Variants in OPCML observed in about 807,000 individuals in gnomAD.
The protein encoded by OPCML is opioid binding protein/cell adhesion molecule like, also known as opioid-binding protein/cell adhesion molecule.
Under a neutral mutation model 37.8 loss-of-function variants are expected in OPCML, and 13 were observed. The ratio of observed to expected loss-of-function variants is 0.34; its 90% confidence interval spans 0.22 to 0.55. The LOEUF (loss-of-function observed/expected upper bound fraction) is 0.55. Among genes scored for constraint, OPCML ranks in the 20% least tolerant of loss-of-function variants. The pLI, the probability that OPCML is intolerant of heterozygous loss-of-function variation, is 0.91. For synonymous variants in OPCML, 176 were observed against 168.8 expected, an observed-to-expected ratio of 1.04 and a Z score of -0.33; for missense variants, 341 against 435.6, an observed-to-expected ratio of 0.78 and a Z score of 1.93.
Position 133,458,712 on chromosome 11 carries a change from C to CGT in OPCML, c.61+73550_61+73551dup, listed in dbSNP as rs755320624. ...GTGTGTATATATACACATAGATGCA[C>CGT]GTGTGTGTATATATACACATAGATG... is the stretch of plus-strand genomic sequence containing the variant. On this transcript the variant is annotated intron_variant, in intron 1 of 7. Coordinates refer to ENST00000524381, the MANE Select transcript of OPCML (RefSeq NM_001012393.5). Among the ~76,000 whole-genome samples the CGT allele has an allele frequency of 2.6e-4, 27 of 105,240 alleles. 2 individuals carry two copies. The highest frequency in any genetic ancestry group is 7.9e-4 in the East Asian group (3 of 3,784). 69.0% of individuals were successfully genotyped at this position (105,240 alleles called of 152,430 possible).
chr11:133,289,394 G>C (rs1942398849), intron 1 of OPCML, among the ~76,000 whole-genome samples: 1 of 150,610 alleles, frequency 6.6e-6, no homozygotes, highest in Non-Finnish European at 1.5e-5. Context: ...AGGAGATCGA[G>C]ACCATCCCGG....
rs537059642 is a variant in OPCML, at chr11:132,491,715, G to A, written c.505+37346C>T. On this transcript the variant is annotated intron_variant, in intron 4 of 7. Transcript: ENST00000524381. Reference sequence around the variant, plus strand: ...GAGCGAGGCACTGTTCTAGGGGTGGGGTCTACACCAATGGCCAAGATACAC... The same window carrying A: ...GAGCGAGGCACTGTTCTAGGGGTGGAGTCTACACCAATGGCCAAGATACAC... Among the ~76,000 whole-genome samples, 14 of 152,232 alleles carry A rather than the reference G, an allele frequency of 9.2e-5. 1 individual carries two copies. The South Asian group carries it at 2.9e-3, about 32-fold the overall frequency.
chr11:132,562,516 T>C (rs1591554021), intron 3 of OPCML, among the ~76,000 whole-genome samples: 1 of 152,250 alleles, frequency 6.6e-6, no homozygotes, highest in South Asian at 2.1e-4. Context: ...TGGGTTAGAA[T>C]TATAAAGCAG....
At chr11:132,748,636 G>C (rs1227588917) in intron 2 of OPCML, among the ~76,000 whole-genome samples, 2 of 152,194 alleles carry the variant, frequency 1.3e-5, no homozygotes, top group Non-Finnish European at 2.9e-5. Context: ...GTGCGAGGGA[G>C]GGGCCTGCAG....
intron 1 of OPCML, among the ~76,000 whole-genome samples, chr11:133,126,165 G>A (rs1202958607): frequency 6.6e-6 from 1 of 151,908 alleles, no homozygotes; most frequent in Non-Finnish European, 1.5e-5. Flanking sequence ...TTCTGTTGGA[G>A]AACCAGAAAA....
At chr11:132,569,898 G>C (rs1591564706) in intron 3 of OPCML, among the ~76,000 whole-genome samples, 1 of 150,252 alleles carries the variant, frequency 6.7e-6, no homozygotes. Flanking sequence ...AATCATAAAA[G>C]AAATGACAAA....
intron 1 of OPCML, among the ~76,000 whole-genome samples, chr11:133,163,010 G>T (rs748235420): frequency 6.6e-6 from 1 of 152,192 alleles, no homozygotes; most frequent in Non-Finnish European, 1.5e-5. Flanking sequence ...AAGGCACGAC[G>T]TCATTACAAA....
At chr11:132,612,525 C>T (rs189679968) in intron 3 of OPCML, among the ~76,000 whole-genome samples, 21 of 152,084 alleles carry the variant, frequency 1.4e-4, no homozygotes, top group Non-Finnish European at 2.6e-4. Flanking sequence ...TTCATCAGAA[C>T]CAGGAAGATG....
intron 1 of OPCML, among the ~76,000 whole-genome samples, chr11:133,464,679 T>G (rs1036730696): frequency 6.6e-6 from 1 of 152,114 alleles, no homozygotes; most frequent in African/African-American, 2.4e-5. Context: ...GAGGGCTGTG[T>G]GGCTGAGGTG....
intron 3 of OPCML, among the ~76,000 whole-genome samples, chr11:132,529,645 T>C (rs1180065525): frequency 6.6e-6 from 1 of 152,244 alleles, no homozygotes; most frequent in Non-Finnish European, 1.5e-5. Context: ...TACTATTTTC[T>C]GAGTATCCCA....
At chr11:132,478,260 T>A (rs1015717980) in intron 4 of OPCML, among the ~76,000 whole-genome samples, 4 of 152,186 alleles carry the variant, frequency 2.6e-5, no homozygotes, top group Non-Finnish European at 5.9e-5. Flanking sequence ...TAAATCTCAA[T>A]TTTTCAAGCT....
chr11:133,051,058 TACACACAC>T (rs113538759), intron 1 of OPCML, among the ~76,000 whole-genome samples: 19 of 148,100 alleles, frequency 1.3e-4, no homozygotes, highest in South Asian at 8.7e-4. Flanking sequence ...TGTGTGTACA[TACACACAC>T]ACACACACAC....
chr11:133,095,970 T>C (rs1008897856), intron 1 of OPCML, among the ~76,000 whole-genome samples: 2 of 152,052 alleles, frequency 1.3e-5, no homozygotes, highest in Non-Finnish European at 2.9e-5. Context: ...AAGGAAGTTA[T>C]TTAGAAATAA....
intron 1 of OPCML, among the ~76,000 whole-genome samples, chr11:133,054,680 C>T (rs1948190126): frequency 6.6e-6 from 1 of 152,228 alleles, no homozygotes; most frequent in Middle Eastern, 3.2e-3. Flanking sequence ...TCTCAGTCTG[C>T]TCTCTCCTCA....
intron 1 of OPCML, among the ~76,000 whole-genome samples, chr11:133,464,550 C>T (rs1946932401): frequency 6.6e-6 from 1 of 152,070 alleles, no homozygotes. Context: ...GAGGAAGGAT[C>T]AGAATCTTTG....
intron 4 of OPCML, among the ~76,000 whole-genome samples, chr11:132,452,460 G>A (rs2136855290): frequency 6.6e-6 from 1 of 152,014 alleles, no homozygotes; most frequent in African/African-American, 2.4e-5. Flanking sequence ...TCTAAAAGCT[G>A]TGATCCACCA....
At chr11:132,963,320 G>C (rs181461549) in intron 1 of OPCML, among the ~76,000 whole-genome samples, 1 of 151,900 alleles carries the variant, frequency 6.6e-6, no homozygotes, top group Non-Finnish European at 1.5e-5. Flanking sequence ...GGCTGGGCAC[G>C]GTGGCTCACG....
At chr11:133,478,844 CA>C (rs1446320145) in intron 1 of OPCML, among the ~76,000 whole-genome samples, 1 of 137,340 alleles carries the variant, frequency 7.3e-6, no homozygotes, top group East Asian at 2.1e-4. Flanking sequence ...TTTTTTTTTT[CA>C]ATTCTGAATG....
At chr11:132,923,255 A>G (rs2136595260) in intron 2 of OPCML, among the ~76,000 whole-genome samples, 1 of 152,240 alleles carries the variant, frequency 6.6e-6, no homozygotes, top group Admixed American at 6.5e-5. Context: ...TTTCCAAAAA[A>G]TAGTGCACCA....
Sources: gnomAD v4.1 joint callset for allele counts (sites outside exome capture counted in the v4.1 genomes callset) on GRCh38, gnomAD v4.1.1 for gene constraint, MANE v1.5 for transcripts, NCBI Gene and HGNC (gene_info 2026-07-23, HGNC 2026-07-21) for gene names.